PRKAR1B: variants seen among roughly 807,000 people sequenced by gnomAD.
The protein encoded by PRKAR1B is cAMP-dependent protein kinase type I-beta regulatory subunit.
In PRKAR1B, 22 loss-of-function variants were observed where a neutral mutation model predicts 46.5. The ratio of observed to expected loss-of-function variants is 0.47; its 90% CI spans 0.34 to 0.68. The LOEUF (loss-of-function observed/expected upper bound fraction) is 0.68. Among genes scored for constraint, PRKAR1B ranks in the 30% least tolerant of loss-of-function variants. PRKAR1B has a pLI of 0.01. For synonymous variants in PRKAR1B, 259 were observed against 217.7 expected (o/e 1.19, Z -1.67); for missense variants, 445 against 535.6 (o/e 0.83, Z 1.67).
chr7:688,987 T>C (rs755649786), intron 2 of PRKAR1B, among the ~76,000 whole-genome samples: 24 of 152,174 alleles, frequency 1.6e-4, no homozygotes, highest in Admixed American at 3.3e-4. Flanking sequence ...CAACAGACAA[T>C]ACAAAGAGAT....
intron 1 of PRKAR1B, chr7:726,933 C>A (rs957022559): frequency 7.4e-7 from 1 of 1,342,380 alleles, no homozygotes; most frequent in African/African-American, 1.5e-5. Context: ...CTTTCCAGGG[C>A]CCCTGGGCGC....
intron 1 of PRKAR1B, chr7:716,507 A>G (rs1562363145): frequency 1.3e-5 from 2 of 152,256 alleles, no homozygotes; most frequent in Non-Finnish European, 2.9e-5. Context: ...CGGGGCTCCC[A>G]GGACTTCTCC....
At chr7:629,134 C>A (rs566317135) in intron 4 of PRKAR1B, among the ~76,000 whole-genome samples, 4 of 152,368 alleles carry the variant, frequency 2.6e-5, no homozygotes, top group Admixed American at 6.5e-5. Context: ...GCCATCACCT[C>A]CCAGGACAGG....
At chr7:663,429 G>A (rs1785724779) in intron 4 of PRKAR1B, among the ~76,000 whole-genome samples, 1 of 152,172 alleles carries the variant, frequency 6.6e-6, no homozygotes, top group South Asian at 2.1e-4. Flanking sequence ...TAGAGATGGG[G>A]TCTTGCTATG....
chr7:680,715 C>T lies in PRKAR1B; in HGVS notation c.189G>A (p.Arg63=). The T allele has an allele frequency of 6.2e-7, 1 of 1,613,918 alleles. No individual in the cohort carries two copies. The highest frequency in any genetic ancestry group is 8.5e-7 in the Non-Finnish European group (1 of 1,179,988). Reference sequence around the variant, plus strand: ...TTGACTTTTGCCGCGCCAAAATCTGCCTGTTTTCTTCCTGTGTGGGAGAGG... The same window carrying T: ...TTGACTTTTGCCGCGCCAAAATCTGTCTGTTTTCTTCCTGTGTGGGAGAGG... ...HFEKLEKEEN[R]QILARQKSNS... The change falls in exon 3 of 11, where the codon AGG becomes AGA. Residue 63 remains arginine, a synonymous_variant. Coordinates refer to ENST00000537384, the MANE Select transcript of PRKAR1B (RefSeq NM_001164760.2).
At chr7:669,827 A>T (rs1583392279) in intron 4 of PRKAR1B, among the ~76,000 whole-genome samples, 1 of 151,968 alleles carries the variant, frequency 6.6e-6, no homozygotes, top group South Asian at 2.1e-4. Flanking sequence ...AATGAAAACA[A>T]GAGCGAGAGA....
At chr7:685,406 A>G (rs1030218904) in intron 2 of PRKAR1B, among the ~76,000 whole-genome samples, 2 of 115,062 alleles carry the variant, frequency 1.7e-5, no homozygotes, top group Non-Finnish European at 3.6e-5. Flanking sequence ...ATATATGTAT[A>G]TATATACCAA....
At chr7:552,289 G>A (rs13227488) in intron 9 of PRKAR1B, among the ~76,000 whole-genome samples, 2 of 89,634 alleles carry the variant, frequency 2.2e-5, no homozygotes, top group Admixed American at 1.5e-4. Context: ...CCATCACCAC[G>A]TCACCACCCA....
chr7:589,352 C>T (rs891364579), intron 7 of PRKAR1B, among the ~76,000 whole-genome samples: 6 of 151,934 alleles, frequency 3.9e-5, no homozygotes, highest in Admixed American at 2.0e-4. Context: ...ATGTCAGGTG[C>T]CTGAGCTCAG....
chr7:558,051 C>T (rs557173032), intron 9 of PRKAR1B, among the ~76,000 whole-genome samples: 257 of 152,094 alleles, frequency 1.7e-3, no homozygotes, highest in African/African-American at 5.8e-3. Context: ...TAGTGGCTCA[C>T]GCCTGTAATC....
intron 9 of PRKAR1B, 50 bp from the exon 10 acceptor site, chr7:551,520 T>C: frequency 6.5e-7 from 1 of 1,531,732 alleles, no homozygotes. Context: ...GGGTGCAGGG[T>C]GGGACACACG....
intron 4 of PRKAR1B, among the ~76,000 whole-genome samples, chr7:610,481 C>T (rs1782418993): frequency 6.6e-6 from 1 of 152,226 alleles, no homozygotes; most frequent in South Asian, 2.1e-4. Context: ...GTCCCCAACT[C>T]TCTGTGATCA....
chr7:587,242 G>C (rs13240042), intron 7 of PRKAR1B, among the ~76,000 whole-genome samples: 85,067 of 151,952 alleles, frequency 0.56, 24,678 homozygotes, highest in East Asian at 0.84. Flanking sequence ...TCTCCTGAGG[G>C]GTGCTGTTCA....
intron 2 of PRKAR1B, chr7:691,449 C>T: frequency 8.0e-7 from 1 of 1,257,558 alleles, no homozygotes; most frequent in Non-Finnish European, 1.1e-6. Context: ...GAGGGAGTGC[C>T]TCCACTCCCA....
intron 9 of PRKAR1B, among the ~76,000 whole-genome samples, chr7:574,859 C>G (rs1779727473): frequency 6.6e-6 from 1 of 152,258 alleles, no homozygotes; most frequent in Admixed American, 6.5e-5. Context: ...CAGATTGAGC[C>G]TGTAAGCACC....
chr7:554,034 C>T (rs989089649), intron 9 of PRKAR1B, among the ~76,000 whole-genome samples: 1 of 152,368 alleles, frequency 6.6e-6, no homozygotes, highest in African/African-American at 2.4e-5. Context: ...GGGAAGACTC[C>T]GTGGGCCCCC....
chr7:622,006 C>G (rs1246707376), intron 4 of PRKAR1B, among the ~76,000 whole-genome samples: 1 of 152,252 alleles, frequency 6.6e-6, no homozygotes, highest in Non-Finnish European at 1.5e-5. Flanking sequence ...GCGGCCCATG[C>G]CCCGATCTCA....
chr7:682,427 G>A (rs1778740571), intron 2 of PRKAR1B, among the ~76,000 whole-genome samples: 1 of 152,116 alleles, frequency 6.6e-6, no homozygotes, highest in African/African-American at 2.4e-5. Flanking sequence ...ACCAGCCTGG[G>A]CAACATAGTG....
At chr7:569,124 A>G (rs1330661158) in intron 9 of PRKAR1B, among the ~76,000 whole-genome samples, 1 of 151,800 alleles carries the variant, frequency 6.6e-6, no homozygotes, top group Non-Finnish European at 1.5e-5. Flanking sequence ...CAAAGGAACC[A>G]CACAAATGGG....
Sources: allele counts gnomAD v4.1 joint callset (sites outside exome capture counted in the v4.1 genomes callset), GRCh38; gene constraint gnomAD v4.1.1; transcripts MANE v1.5; gene names NCBI Gene and HGNC (gene_info 2026-07-23, HGNC 2026-07-21).